The following CERS6 variants were observed in gnomAD, a reference collection of about 807,000 sequenced individuals.
CERS6 encodes LAG1 homolog, ceramide synthase 6.
CERS6 carries 26 observed loss-of-function variants against 56.8 expected under a neutral mutation model. The observed-to-expected ratio is 0.46, with a 90% confidence interval of 0.34 to 0.63. CERS6 has a LOEUF of 0.63. CERS6 is among the 30% of genes least tolerant of loss of function. The pLI is 0.01. For synonymous variants in CERS6, 164 were observed against 173.3 expected, an observed-to-expected ratio of 0.95 and a Z score of 0.42; for missense variants, 415 against 467.5, an observed-to-expected ratio of 0.89 and a Z score of 1.04.
intron 6 of CERS6, among the ~76,000 whole-genome samples, chr2:168,698,878 A>G (rs530406522): frequency 1.2e-4 from 18 of 152,290 alleles, no homozygotes; most frequent in African/African-American, 4.3e-4. Flanking sequence ...ATTTTTTGCT[A>G]GTCAATATGA....
rs564051453 is a variant in CERS6, at chr2:168,760,916, C to T, written c.846-4676C>T. 1.0e-3 allele frequency among the ~76,000 whole-genome samples: 154 copies of T among 152,112 alleles called. 1 individual carries two copies. The highest frequency in any genetic ancestry group is 4.1e-4 in the Non-Finnish European group (28 of 68,040). On this transcript the variant is annotated intron_variant, in intron 8 of 9. Coordinates refer to ENST00000305747, the MANE Select transcript of CERS6 (RefSeq NM_203463.3). ...GACTACAGGCGCCCGCCACCACGCC[C>T]GGCTAATTTTTTGTGTGTTTTTAGT...
intron 3 of CERS6, among the ~76,000 whole-genome samples, chr2:168,599,969 A>G (rs955610648): frequency 3.3e-5 from 5 of 152,170 alleles, no homozygotes; most frequent in Non-Finnish European, 7.3e-5. Flanking sequence ...TAATAAACCT[A>G]AGAGTCATTT....
At chr2:168,476,955 C>T (rs1229523071) in intron 1 of CERS6, among the ~76,000 whole-genome samples, 6 of 151,992 alleles carry the variant, frequency 3.9e-5, no homozygotes, top group Non-Finnish European at 4.4e-5. Context: ...AGTTGACACC[C>T]AAAATTAACC....
intron 1 of CERS6, among the ~76,000 whole-genome samples, chr2:168,467,438 G>C (rs1693900783): frequency 1.3e-5 from 2 of 152,112 alleles, no homozygotes; most frequent in Non-Finnish European, 2.9e-5. Context: ...TATGTCAGTG[G>C]GTGTGTGTAC....
intron 1 of CERS6, among the ~76,000 whole-genome samples, chr2:168,508,445 C>T (rs911354357): frequency 1.3e-5 from 2 of 152,206 alleles, no homozygotes; most frequent in Non-Finnish European, 2.9e-5. Context: ...ACTTTTATCT[C>T]TGCCTTGGAG....
At chr2:168,714,802 G>A (rs1200513763) in intron 6 of CERS6, among the ~76,000 whole-genome samples, 199 bp from the exon 7 acceptor site, 2 of 152,100 alleles carry the variant, frequency 1.3e-5, no homozygotes, top group Non-Finnish European at 2.9e-5. Context: ...TTGATCTTGG[G>A]CTTCCACTGA....
intron 3 of CERS6, among the ~76,000 whole-genome samples, chr2:168,568,818 T>C (rs1695930845): frequency 6.6e-6 from 1 of 152,200 alleles, no homozygotes; most frequent in African/African-American, 2.4e-5. Context: ...GGCCACACCA[T>C]GCAAAATCGC....
intron 4 of CERS6, among the ~76,000 whole-genome samples, chr2:168,636,298 TAACAAC>T (rs982973260): frequency 2.6e-5 from 4 of 152,118 alleles, no homozygotes; most frequent in African/African-American, 9.7e-5. Context: ...TTAAAAACAA[TAACAAC>T]AACAACAACT....
intron 8 of CERS6, among the ~76,000 whole-genome samples, chr2:168,741,533 A>T (rs373762477): frequency 1.3e-5 from 2 of 152,218 alleles, no homozygotes; most frequent in East Asian, 3.8e-4. Flanking sequence ...CTTTAAAAAA[A>T]ATCCCACAAT....
At chr2:168,704,921 CT>C (rs1476480004) in intron 6 of CERS6, among the ~76,000 whole-genome samples, 1 of 152,222 alleles carries the variant, frequency 6.6e-6, no homozygotes, top group Non-Finnish European at 1.5e-5. Flanking sequence ...TGATCCCCAT[CT>C]CTTCCTGTCT....
At chr2:168,704,029 T>G (rs1686870737) in intron 6 of CERS6, among the ~76,000 whole-genome samples, 1 of 151,998 alleles carries the variant, frequency 6.6e-6, no homozygotes. Flanking sequence ...GGAAAAGAAG[T>G]GTTTCATGGG....
In CERS6 at chr2:168,484,140, TTTTTTC is replaced by T. The variant is rs202174227; in HGVS notation, c.170+27540_170+27545del. 2.0e-3 allele frequency among the ~76,000 whole-genome samples: 310 copies of T among 151,372 alleles called. 2 individuals carry two copies. The highest frequency in any genetic ancestry group is 6.9e-3 in the African/African-American group (286 of 41,242). ...AAATGCTGTTGTTTTTAGTACCTAT[TTTTTTC>T]TTTTTCTTTTTCTTTTTTCTGTTTT... On this transcript the variant is annotated intron_variant, in intron 1 of 9. Transcript: ENST00000305747.
intron 4 of CERS6, among the ~76,000 whole-genome samples, chr2:168,690,275 A>G (rs1054002902): frequency 6.6e-6 from 1 of 152,194 alleles, no homozygotes; most frequent in African/African-American, 2.4e-5. Context: ...CAAAAGAATT[A>G]TAACATTAAT....
chr2:168,534,548 G>A (rs1217720971), intron 1 of CERS6, among the ~76,000 whole-genome samples: 4 of 151,942 alleles, frequency 2.6e-5, no homozygotes, highest in Admixed American at 6.6e-5. Flanking sequence ...TCGCTCCCGC[G>A]TCGGGAGATG....
intron 3 of CERS6, among the ~76,000 whole-genome samples, chr2:168,620,012 CATA>C (rs747594195): frequency 7.4e-5 from 8 of 108,038 alleles, no homozygotes; most frequent in Admixed American, 1.8e-4. Context: ...TTCCACAATC[CATA>C]CACACACACA....
At chr2:168,591,653 T>C (rs1310783056) in intron 3 of CERS6, among the ~76,000 whole-genome samples, 1 of 152,264 alleles carries the variant, frequency 6.6e-6, no homozygotes, top group East Asian at 1.9e-4. Context: ...ATTTTAACTA[T>C]TGGCTCTTGC....
intron 6 of CERS6, among the ~76,000 whole-genome samples, chr2:168,700,157 G>A (rs1445107654): frequency 6.6e-6 from 1 of 152,186 alleles, no homozygotes; most frequent in Non-Finnish European, 1.5e-5. Context: ...ATATGATTAA[G>A]TCTAGCAAGA....
chr2:168,558,621 G>A (rs1695725915), intron 2 of CERS6, among the ~76,000 whole-genome samples: 1 of 152,246 alleles, frequency 6.6e-6, no homozygotes, highest in Non-Finnish European at 1.5e-5. Context: ...TGTAATCCCA[G>A]CACTTTGGGA....
intron 1 of CERS6, among the ~76,000 whole-genome samples, chr2:168,475,175 A>T (rs1694046611): frequency 6.6e-6 from 1 of 152,098 alleles, no homozygotes; most frequent in South Asian, 2.1e-4. Context: ...GATGGCATGT[A>T]TTAACATTTT....
Sources: allele counts gnomAD v4.1 joint callset (sites outside exome capture counted in the v4.1 genomes callset), GRCh38; gene constraint gnomAD v4.1.1; transcripts MANE v1.5; gene names NCBI Gene and HGNC (gene_info 2026-07-23, HGNC 2026-07-21).